The following ADAMTS20 variants were observed in gnomAD, a reference collection of about 807,000 sequenced individuals.
ADAMTS20 encodes A disintegrin and metalloproteinase with thrombospondin motifs 20.
Under a neutral mutation model 260.1 loss-of-function variants are expected in ADAMTS20, and 225 were observed. The observed-to-expected ratio is 0.87, with a 90% CI of 0.78 to 0.97. ADAMTS20 has a LOEUF of 0.97. Among genes scored for constraint, ADAMTS20 ranks in the 50% least tolerant of loss-of-function variants. ADAMTS20 has a pLI of 0.00. For missense variants in ADAMTS20, 2,400 were observed against 2,337.7 expected (o/e 1.03, Z -0.55); for synonymous variants, 802 against 769.5 (o/e 1.04, Z -0.70).
chr12:43,451,837 G>T, intron 14 of ADAMTS20, among the ~76,000 whole-genome samples: 1 of 152,048 alleles, frequency 6.6e-6, no homozygotes. Context: ...ATCAATGTTT[G>T]TTGAATGTAC....
intron 2 of ADAMTS20, among the ~76,000 whole-genome samples, chr12:43,548,858 T>A (rs966198330): frequency 1.3e-5 from 2 of 152,054 alleles, no homozygotes; most frequent in African/African-American, 4.8e-5. Context: ...TATGGAGGTA[T>A]GAAAAGAAAC....
At chr12:43,452,483 T>G in intron 13 of ADAMTS20, 31 bp downstream of exon 13, 1 of 1,603,800 alleles carries the variant, frequency 6.2e-7, no homozygotes, top group Non-Finnish European at 8.5e-7. Context: ...TCAGAAAAAT[T>G]TACATCAAAG....
intron 4 of ADAMTS20, among the ~76,000 whole-genome samples, chr12:43,496,459 G>A (rs1467370843): frequency 2.6e-5 from 4 of 152,164 alleles, no homozygotes; most frequent in Non-Finnish European, 4.4e-5. Flanking sequence ...AACATTTGAA[G>A]ACATTTCAAA....
chr12:43,528,368 A>AG (rs1943174202), intron 3 of ADAMTS20, among the ~76,000 whole-genome samples: 1 of 148,552 alleles, frequency 6.7e-6, no homozygotes, highest in African/African-American at 2.5e-5. Context: ...AAAAAAAAAA[A>AG]AAAAAACACA....
At chr12:43,549,123 A>AT (rs1196552716) in intron 2 of ADAMTS20, among the ~76,000 whole-genome samples, 2 of 151,906 alleles carry the variant, frequency 1.3e-5, no homozygotes, top group African/African-American at 4.8e-5. Flanking sequence ...GATTGATTTC[A>AT]TTTTTTATTA....
At chr12:43,536,864 C>A (rs1943302344) in intron 2 of ADAMTS20, among the ~76,000 whole-genome samples, 1 of 152,128 alleles carries the variant, frequency 6.6e-6, no homozygotes, top group Non-Finnish European at 1.5e-5. Flanking sequence ...TAAAACTTTG[C>A]ACTTTTCCAC....
intron 2 of ADAMTS20, among the ~76,000 whole-genome samples, chr12:43,532,555 G>GTTTT (rs370124548): frequency 5.2e-4 from 71 of 137,346 alleles, no homozygotes; most frequent in East Asian, 2.8e-3. Flanking sequence ...TTTTTTTAAT[G>GTTTT]TTTTTTTTTT....
chr12:43,387,371 C>T (rs1015763172), intron 29 of ADAMTS20, among the ~76,000 whole-genome samples: 2 of 152,150 alleles, frequency 1.3e-5, no homozygotes, highest in African/African-American at 4.8e-5. Context: ...AGTTTTGTCC[C>T]AGAGGGGCAC....
intron 14 of ADAMTS20, among the ~76,000 whole-genome samples, chr12:43,451,753 T>C (rs1941867503): frequency 6.6e-6 from 1 of 152,116 alleles, no homozygotes; most frequent in Admixed American, 6.6e-5. Flanking sequence ...TGTGACCATC[T>C]TGGAAGTGGG....
intron 7 of ADAMTS20, among the ~76,000 whole-genome samples, chr12:43,489,022 G>C (rs932584551): frequency 8.6e-5 from 13 of 151,886 alleles, no homozygotes; most frequent in African/African-American, 3.1e-4. Flanking sequence ...TACAGTTTTG[G>C]TGCTTAATAA....
At chr12:43,499,165 T>C (rs1565572903) in intron 4 of ADAMTS20, among the ~76,000 whole-genome samples, 1 of 152,174 alleles carries the variant, frequency 6.6e-6, no homozygotes, top group Non-Finnish European at 1.5e-5. Context: ...CCCACTTATA[T>C]TTGGAATGCA....
At chr12:43,435,189 C>T (rs1941527319) in intron 18 of ADAMTS20, among the ~76,000 whole-genome samples, 3 of 152,094 alleles carry the variant, frequency 2.0e-5, no homozygotes, top group South Asian at 4.1e-4. Flanking sequence ...AATAATAATG[C>T]ATCAAAATTG....
At chr12:43,519,789 G>T (rs1346598743) in intron 3 of ADAMTS20, among the ~76,000 whole-genome samples, 1 of 152,132 alleles carries the variant, frequency 6.6e-6, no homozygotes, top group Admixed American at 6.6e-5. Context: ...ATACAAAAGA[G>T]AGAGATAACG....
At chr12:43,466,581 A>G (rs2137382142) in intron 9 of ADAMTS20, 71 bp downstream of exon 9, 2 of 1,417,184 alleles carry the variant, frequency 1.4e-6, no homozygotes, top group South Asian at 1.3e-5. Flanking sequence ...AAATTGAACC[A>G]CCTTTAAAAA....
chr12:43,379,775 C>T (rs921113874), intron 31 of ADAMTS20, among the ~76,000 whole-genome samples: 2 of 151,934 alleles, frequency 1.3e-5, no homozygotes, highest in African/African-American at 4.8e-5. Flanking sequence ...AACAACAAAC[C>T]CTGGGGAGGA....
intron 37 of ADAMTS20, among the ~76,000 whole-genome samples, chr12:43,361,176 T>C (rs1939859491): frequency 6.6e-6 from 1 of 152,222 alleles, no homozygotes; most frequent in Non-Finnish European, 1.5e-5. Context: ...CAGACTATCC[T>C]GTCACATGCA....
At chr12:43,465,870 A>G (rs1304661006) in intron 9 of ADAMTS20, among the ~76,000 whole-genome samples, 2 of 152,086 alleles carry the variant, frequency 1.3e-5, no homozygotes, top group Non-Finnish European at 2.9e-5. Context: ...GTTCCAAAGC[A>G]TGATTTTATT....
chr12:43,411,938 C>T (rs1028761063), intron 28 of ADAMTS20, among the ~76,000 whole-genome samples: 4 of 152,030 alleles, frequency 2.6e-5, no homozygotes, highest in African/African-American at 7.3e-5. Flanking sequence ...TAAGGTACCT[C>T]CTCAATGTAT....
chr12:43,390,760 G>A (rs1226092086), intron 29 of ADAMTS20, among the ~76,000 whole-genome samples: 2 of 152,106 alleles, frequency 1.3e-5, no homozygotes, highest in Non-Finnish European at 2.9e-5. Flanking sequence ...CAACTACTTA[G>A]GTATTCTCAA....
Sources: gnomAD v4.1 joint callset for allele counts (sites outside exome capture counted in the v4.1 genomes callset) on GRCh38, gnomAD v4.1.1 for gene constraint, MANE v1.5 for transcripts, NCBI Gene and HGNC (gene_info 2026-07-23, HGNC 2026-07-21) for gene names.